Variants in CTNND2 observed in about 807,000 individuals in gnomAD.
CTNND2 encodes catenin delta 2.
CTNND2 carries 22 observed loss-of-function variants against 144.4 expected under a neutral mutation model. The observed-to-expected ratio is 0.15, with a 90% CI of 0.11 to 0.22. The LOEUF (loss-of-function observed/expected upper bound fraction) is 0.22. Ranked by LOEUF, CTNND2 falls within the 10% of genes least tolerant of loss-of-function variation. The pLI, the probability that CTNND2 is intolerant of heterozygous loss-of-function variation, is 1.00. For synonymous variants in CTNND2, 751 were observed against 695.6 expected, an observed-to-expected ratio of 1.08 and a Z score of -1.25; for missense variants, 1,353 against 1,618.8, an observed-to-expected ratio of 0.84 and a Z score of 2.82.
At position 10,988,035 on chromosome 5, in the gene CTNND2, C is replaced by A. The variant is rs899586941; in HGVS notation, c.3343+76G>T. On this transcript the variant is annotated intron_variant, in intron 20 of 21. Coordinates refer to ENST00000304623, the MANE Select transcript of CTNND2 (RefSeq NM_001332.4). This position sits in a 1 kb window ranked among gnomAD's most constrained non-coding sequence, Gnocchi z 5.9. ...GCCAAGCGCAGCCAGCCCCGTGAAG[C>A]CTGATGTCCCATATCTCTGCCTTGT... 19 of 1,585,844 alleles carry A rather than the reference C, an allele frequency of 1.2e-5. No individual in the cohort carries two copies. Among genetic ancestry groups the A allele is most frequent in the African/African-American group, 2.7e-5 (2 of 74,412 alleles).
At position 11,696,672 on chromosome 5, in the gene CTNND2, GC is replaced by G. The variant is rs1186795336; in HGVS notation, c.174+35463del. ...ATTGTTCAAATTCATGATACTTAGAGCCAGCATTTACCCCTCTTTAGTGGTT... is the reference window on the plus strand; with the variant it reads ...ATTGTTCAAATTCATGATACTTAGAGCAGCATTTACCCCTCTTTAGTGGTT... On this transcript the variant is annotated intron_variant, in intron 2 of 21. Coordinates refer to ENST00000304623, the MANE Select transcript of CTNND2 (RefSeq NM_001332.4). 5.3e-5 allele frequency among the ~76,000 whole-genome samples: 8 copies of G among 152,276 alleles called. No individual in the cohort carries two copies. The East Asian group carries it at 1.5e-3, about 29-fold the overall frequency.
chr5:11,725,581 T>C (rs1786970127), intron 2 of CTNND2, among the ~76,000 whole-genome samples: 1 of 152,122 alleles, frequency 6.6e-6, no homozygotes, highest in Admixed American at 6.5e-5. Context: ...TTTATCTAAA[T>C]GATGAGGTTG....
At chr5:11,152,126 C>T (rs558070136) in intron 12 of CTNND2, among the ~76,000 whole-genome samples, 1 of 152,100 alleles carries the variant, frequency 6.6e-6, no homozygotes, top group African/African-American at 2.4e-5. Context: ...CACGGAGATA[C>T]TGAAAAAAGG....
intron 2 of CTNND2, among the ~76,000 whole-genome samples, chr5:11,569,727 C>A (rs992204888): frequency 6.6e-6 from 1 of 152,092 alleles, no homozygotes; most frequent in African/African-American, 2.4e-5. Flanking sequence ...TAAGTCTTAA[C>A]AATATTGAGG....
rs1780554341 is a variant in CTNND2 at position 11,615,867 on chromosome 5, CA to C, written c.175-50812del. 2.0e-5 allele frequency among the ~76,000 whole-genome samples: 3 copies of C among 152,140 alleles called. 1 individual carries two copies. The East Asian group carries it at 5.8e-4, about 29-fold the overall frequency. Reference sequence around the variant, plus strand: ...CAAGTGGCTACTGAAAAATCACATGCATGACAATGGTATTCTCTTTTACACA... The same window carrying C: ...CAAGTGGCTACTGAAAAATCACATGCTGACAATGGTATTCTCTTTTACACA... On this transcript the variant is annotated intron_variant, in intron 2 of 21. Transcript: ENST00000304623.
intron 10 of CTNND2, among the ~76,000 whole-genome samples, chr5:11,224,075 C>T (rs1740070724): frequency 6.6e-6 from 1 of 152,150 alleles, no homozygotes; most frequent in South Asian, 2.1e-4. Flanking sequence ...CCCCTGTATT[C>T]TGAGTCCATG....
chr5:11,458,318 T>C (rs1307930315), intron 3 of CTNND2, among the ~76,000 whole-genome samples: 1 of 152,140 alleles, frequency 6.6e-6, no homozygotes, highest in Non-Finnish European at 1.5e-5. Context: ...AGCTGAGGTA[T>C]GGATTGGGTA....
At chr5:11,565,131 G>T in intron 2 of CTNND2, 75 bp from the exon 3 acceptor site, 1 of 902,552 alleles carries the variant, frequency 1.1e-6, no homozygotes, top group Non-Finnish European at 1.8e-6. Context: ...ATAATAGGAC[G>T]GCTGAGGGAG....
chr5:11,833,111 TTAAGAA>T (rs1227365267), intron 1 of CTNND2, among the ~76,000 whole-genome samples: 1 of 152,202 alleles, frequency 6.6e-6, no homozygotes, highest in Non-Finnish European at 1.5e-5. Context: ...AAGCATGCAA[TTAAGAA>T]TATCTATTCC....
intron 1 of CTNND2, among the ~76,000 whole-genome samples, chr5:11,829,623 T>C (rs947966171): frequency 2.6e-5 from 4 of 152,180 alleles, no homozygotes; most frequent in African/African-American, 7.2e-5. Flanking sequence ...AGATGATGTA[T>C]AGAAATGCCT....
At chr5:11,203,844 A>T (rs1389375419) in intron 10 of CTNND2, among the ~76,000 whole-genome samples, 1 of 152,262 alleles carries the variant, frequency 6.6e-6, no homozygotes, top group East Asian at 1.9e-4. Flanking sequence ...GTTGAATTAC[A>T]TACGGGGAAA....
chr5:11,719,833 T>TACATAC (rs1554109668), intron 2 of CTNND2, among the ~76,000 whole-genome samples: 53 of 142,110 alleles, frequency 3.7e-4, no homozygotes, highest in Non-Finnish European at 6.7e-4. Flanking sequence ...CTCTGACATA[T>TACATAC]ACACACACAC....
At chr5:11,725,981 C>T (rs1786995433) in intron 2 of CTNND2, among the ~76,000 whole-genome samples, 1 of 152,218 alleles carries the variant, frequency 6.6e-6, no homozygotes, top group Non-Finnish European at 1.5e-5. Context: ...AAACCATGCA[C>T]AGCGCACTGA....
At chr5:11,385,386 T>TGC (rs1157538839) in intron 6 of CTNND2, among the ~76,000 whole-genome samples, 157 bp from the exon 7 acceptor site, 1 of 151,942 alleles carries the variant, frequency 6.6e-6, no homozygotes, top group East Asian at 1.9e-4. Context: ...TACGCGAACC[T>TGC]GCGCCCCGAA....
intron 1 of CTNND2, among the ~76,000 whole-genome samples, chr5:11,734,778 T>C (rs2126748828): frequency 6.6e-6 from 1 of 152,286 alleles, no homozygotes; most frequent in East Asian, 1.9e-4. Context: ...AATTTAGAGA[T>C]ATTCCAACCT....
At chr5:11,519,018 C>T (rs1772466460) in intron 3 of CTNND2, among the ~76,000 whole-genome samples, 1 of 150,434 alleles carries the variant, frequency 6.6e-6, no homozygotes, top group Non-Finnish European at 1.5e-5. Context: ...AACACACACA[C>T]ACACACACAC....
chr5:11,315,250 C>G (rs901625852), intron 9 of CTNND2, among the ~76,000 whole-genome samples: 1 of 152,088 alleles, frequency 6.6e-6, no homozygotes, highest in African/African-American at 2.4e-5. Flanking sequence ...AATATGGCAA[C>G]TGATGTAATG....
At chr5:11,460,483 G>A (rs1766098902) in intron 3 of CTNND2, among the ~76,000 whole-genome samples, 1 of 152,142 alleles carries the variant, frequency 6.6e-6, no homozygotes, top group Non-Finnish European at 1.5e-5. Context: ...TTAGATATGA[G>A]AACCAAAAAT....
At chr5:11,523,867 G>T (rs1017996811) in intron 3 of CTNND2, among the ~76,000 whole-genome samples, 1 of 152,108 alleles carries the variant, frequency 6.6e-6, no homozygotes, top group Admixed American at 6.5e-5. Context: ...GCTGTGAAGC[G>T]GGTGCAGGGG....
Sources: gnomAD v4.1 joint callset for allele counts (sites outside exome capture counted in the v4.1 genomes callset) on GRCh38, gnomAD v4.1.1 for gene constraint, Gnocchi (gnomAD v3.1) non-coding constraint, MANE v1.5 for transcripts, NCBI Gene and HGNC (gene_info 2026-07-23, HGNC 2026-07-21) for gene names.